KCTD1: variants seen among roughly 807,000 people sequenced by gnomAD.
The protein encoded by KCTD1 is potassium channel tetramerization domain containing 1, also known as BTB/POZ domain-containing protein KCTD1.
In KCTD1, 24 loss-of-function variants were observed where a neutral mutation model predicts 66.0. That is an observed-to-expected ratio of 0.36 (90% confidence interval 0.26 to 0.51). The LOEUF (loss-of-function observed/expected upper bound fraction) is 0.51. Among genes scored for constraint, KCTD1 ranks in the 20% least tolerant of loss-of-function variants. KCTD1 has a pLI of 0.95. For missense variants in KCTD1, 943 were observed against 1,205.2 expected, an observed-to-expected ratio of 0.78 and a Z score of 3.22; for synonymous variants, 511 against 517.2, an observed-to-expected ratio of 0.99 and a Z score of 0.16.
At chr18:26,590,812 T>C (rs1181429590) in intron 1 of KCTD1, among the ~76,000 whole-genome samples, 1 of 152,146 alleles carries the variant, frequency 6.6e-6, no homozygotes, top group Non-Finnish European at 1.5e-5. Flanking sequence ...TTATCTTGTG[T>C]TCAAGAGATT....
chr18:26,645,145 T>C (rs1987907054), upstream of KCTD1, among the ~76,000 whole-genome samples: 3 of 152,246 alleles, frequency 2.0e-5, no homozygotes, highest in South Asian at 6.2e-4. Flanking sequence ...GGATTCCCCA[T>C]ATTGCAAGAC....
intron 1 of KCTD1, chr18:26,655,923 GC>G: frequency 6.6e-6 from 1 of 152,298 alleles, no homozygotes; most frequent in Non-Finnish European, 1.5e-5. Context: ...ACCATTACGC[GC>G]CCCCCACCCC....
At chr18:26,639,838 C>T (rs1385945039) in intron 1 of KCTD1, among the ~76,000 whole-genome samples, 1 of 152,184 alleles carries the variant, frequency 6.6e-6, no homozygotes, top group Admixed American at 6.5e-5. Context: ...AATCGGGCTC[C>T]AGCACCTGTA....
chr18:26,621,386 C>T (rs1987380498), intron 1 of KCTD1, among the ~76,000 whole-genome samples: 1 of 151,978 alleles, frequency 6.6e-6, no homozygotes, highest in Non-Finnish European at 1.5e-5. Context: ...ACGGGAAGCT[C>T]GGCACTTCCT....
upstream of KCTD1, among the ~76,000 whole-genome samples, chr18:26,632,938 G>C (rs1370814135): frequency 1.3e-5 from 2 of 152,078 alleles, no homozygotes; most frequent in Non-Finnish European, 2.9e-5. Flanking sequence ...TTGGGAGGGG[G>C]TAAGGAGGGG....
At chr18:26,540,283 C>A (rs1393415588) in intron 1 of KCTD1, among the ~76,000 whole-genome samples, 1 of 152,202 alleles carries the variant, frequency 6.6e-6, no homozygotes, top group Admixed American at 6.5e-5. Context: ...TTCTGAACTC[C>A]TCCTCTTGTT....
chr18:26,487,943 T>A (rs931727774), intron 2 of KCTD1, among the ~76,000 whole-genome samples: 1 of 152,250 alleles, frequency 6.6e-6, no homozygotes, highest in Admixed American at 6.5e-5. Context: ...TGTACAGGCA[T>A]TGAAAAGTTT....
intron 2 of KCTD1, among the ~76,000 whole-genome samples, chr18:26,496,282 A>C (rs957883298): frequency 2.6e-5 from 4 of 152,216 alleles, no homozygotes; most frequent in African/African-American, 9.6e-5. Flanking sequence ...CTAACAAACT[A>C]TTAAACAAAA....
rs1981350686 is a variant in KCTD1 at position 26,476,455 on chromosome 18, T to C, written c.2133+60A>G. 3.3e-6 allele frequency: 5 copies of C among 1,495,430 alleles called. No homozygotes were observed. The highest frequency in any genetic ancestry group is 2.3e-5 in the East Asian group (1 of 43,908). 92.6% of individuals were successfully genotyped at this position (1,495,430 alleles called of 1,614,324 possible). On this transcript the variant is annotated intron_variant, in intron 3 of 4. Transcript: ENST00000580059. This position sits in a 1 kb window ranked among gnomAD's most constrained non-coding sequence, Gnocchi z 4.9. The stretch of plus-strand genomic sequence containing the variant: ...ATAATGTAGAACTAGAAATATTTTT[T>C]TGGAGCACATAAAAAAATCACATAT...
At chr18:26,624,104 T>A (rs1438096229) in intron 1 of KCTD1, among the ~76,000 whole-genome samples, 1 of 152,174 alleles carries the variant, frequency 6.6e-6, no homozygotes, top group Non-Finnish European at 1.5e-5. Flanking sequence ...TTAAGAGAGA[T>A]GATTTAGGGT....
At chr18:26,606,071 G>C (rs1390001542) in intron 1 of KCTD1, among the ~76,000 whole-genome samples, 1 of 152,266 alleles carries the variant, frequency 6.6e-6, no homozygotes, top group Middle Eastern at 3.4e-3. Flanking sequence ...GTCATAGGTA[G>C]ATTTAAAAAT....
upstream of KCTD1, among the ~76,000 whole-genome samples, chr18:26,641,937 G>C (rs1987841735): frequency 6.6e-6 from 1 of 152,136 alleles, no homozygotes; most frequent in Non-Finnish European, 1.5e-5. Context: ...TATATGATGA[G>C]GACCAGTAAT....
intron 4 of KCTD1, 50 bp downstream of exon 4, chr18:26,459,570 C>T (rs748937915): frequency 1.3e-6 from 2 of 1,514,284 alleles, no homozygotes; most frequent in Non-Finnish European, 1.8e-6. Context: ...GGTTAAGTGA[C>T]AACAGTAAGA....
intron 1 of KCTD1, among the ~76,000 whole-genome samples, chr18:26,594,765 C>G (rs1289286550): frequency 6.6e-5 from 10 of 152,142 alleles, no homozygotes; most frequent in Non-Finnish European, 1.0e-4. Flanking sequence ...TACCCCCCAT[C>G]ATGTGAGTGG....
intron 3 of KCTD1, among the ~76,000 whole-genome samples, chr18:26,462,345 G>A (rs1980479421): frequency 6.6e-6 from 1 of 152,210 alleles, no homozygotes; most frequent in Admixed American, 6.5e-5. Flanking sequence ...AGAGTCTCAT[G>A]GGCCTAGCGC....
intron 1 of KCTD1, among the ~76,000 whole-genome samples, chr18:26,540,568 C>G (rs1984930663): frequency 6.6e-6 from 1 of 152,162 alleles, no homozygotes; most frequent in African/African-American, 2.4e-5. Flanking sequence ...ACCCCTCAAA[C>G]AGCAAGATCA....
At chr18:26,622,276 A>C (rs1224809773) in intron 1 of KCTD1, among the ~76,000 whole-genome samples, 7 of 152,214 alleles carry the variant, frequency 4.6e-5, no homozygotes, top group Admixed American at 3.9e-4. Flanking sequence ...ATGGGTTGGT[A>C]AAGAGGTACC....
chr18:26,473,005 C>T (rs921673162), intron 3 of KCTD1, among the ~76,000 whole-genome samples: 3 of 152,224 alleles, frequency 2.0e-5, no homozygotes, highest in African/African-American at 7.2e-5. Flanking sequence ...GCAGAGACTG[C>T]ACTTTGGCCT....
At chr18:26,606,698 T>C (rs1252276700) in intron 1 of KCTD1, among the ~76,000 whole-genome samples, 1 of 152,216 alleles carries the variant, frequency 6.6e-6, no homozygotes, top group African/African-American at 2.4e-5. Context: ...AGCCCTTGGC[T>C]GACCTGCTGG....
Sources: gnomAD v4.1 joint callset for allele counts (sites outside exome capture counted in the v4.1 genomes callset) on GRCh38, gnomAD v4.1.1 for gene constraint, Gnocchi (gnomAD v3.1) non-coding constraint, MANE v1.5 for transcripts, NCBI Gene and HGNC (gene_info 2026-07-23, HGNC 2026-07-21) for gene names.